LAPTM4B: variants seen among roughly 807,000 people sequenced by gnomAD.
The protein encoded by LAPTM4B is lysosomal protein transmembrane 4 beta.
A neutral mutation model predicts 28.5 loss-of-function variants in LAPTM4B; 26 were observed. The ratio of observed to expected loss-of-function variants is 0.91; its 90% CI spans 0.67 to 1.27. The LOEUF (loss-of-function observed/expected upper bound fraction) is 1.27. Among genes scored for constraint, LAPTM4B ranks in the 50% most tolerant of loss-of-function variants. The probability of loss-of-function intolerance (pLI) is 0.00; values close to 1 mark genes in which losing one functional copy is unlikely to be tolerated. For synonymous variants in LAPTM4B, 109 were observed against 106.4 expected, an observed-to-expected ratio of 1.02 and a Z score of -0.15; for missense variants, 288 against 285.8, an observed-to-expected ratio of 1.01 and a Z score of -0.06.
intron 4 of LAPTM4B, among the ~76,000 whole-genome samples, chr8:97,817,343 G>A (rs1251153774): frequency 2.7e-5 from 4 of 149,358 alleles, no homozygotes; most frequent in Non-Finnish European, 5.9e-5. Context: ...TCACCATGTT[G>A]CCCAGGCTTG....
At chr8:97,787,072 G>A (rs1393791716) in intron 1 of LAPTM4B, among the ~76,000 whole-genome samples, 1 of 151,988 alleles carries the variant, frequency 6.6e-6, no homozygotes, top group Non-Finnish European at 1.5e-5. Flanking sequence ...TAAGGAGGCT[G>A]CCTCCTTTAT....
chr8:97,830,015 G>A lies in LAPTM4B; in HGVS notation c.603+4862G>A, dbSNP rs142008946. Among the ~76,000 whole-genome samples, 158 of 152,262 alleles carry A rather than the reference G, an allele frequency of 1.0e-3. 1 individual carries two copies. The highest frequency in any genetic ancestry group is 3.5e-3 in the African/African-American group (146 of 41,568). ...CAGCCCCTGCTGAATTTTCCAGAAA[G>A]TGAAGAAGATGTTCGGGAGGGTAAA... On this transcript the variant is annotated intron_variant, in intron 6 of 6. Transcript: ENST00000521545.
At chr8:97,814,367 A>G (rs895328750) in intron 2 of LAPTM4B, among the ~76,000 whole-genome samples, 2 of 151,944 alleles carry the variant, frequency 1.3e-5, no homozygotes, top group Non-Finnish European at 2.9e-5. Context: ...AAAAATTGGC[A>G]TGGTGGAGCA....
At chr8:97,849,814 G>A (rs1586349450) in intron 6 of LAPTM4B, among the ~76,000 whole-genome samples, 1 of 103,074 alleles carries the variant, frequency 9.7e-6, no homozygotes, top group East Asian at 2.9e-4. Flanking sequence ...CCACCCCCCT[G>A]CCCGCCTGCC....
At chr8:97,829,416 C>T (rs1817144788) in intron 6 of LAPTM4B, among the ~76,000 whole-genome samples, 1 of 152,004 alleles carries the variant, frequency 6.6e-6, no homozygotes, top group South Asian at 2.1e-4. Flanking sequence ...CTGGAATGCT[C>T]CAATTTTCTG....
intron 6 of LAPTM4B, among the ~76,000 whole-genome samples, chr8:97,826,202 C>T (rs1817088433): frequency 6.6e-6 from 1 of 152,158 alleles, no homozygotes; most frequent in Non-Finnish European, 1.5e-5. Context: ...ATGTTATACA[C>T]TGACAGTTTT....
chr8:97,845,522 G>A, intron 6 of LAPTM4B, among the ~76,000 whole-genome samples: 1 of 152,048 alleles, frequency 6.6e-6, no homozygotes, highest in South Asian at 2.1e-4. Flanking sequence ...CAGACAAGGG[G>A]CCACACAGTT....
rs144651693 is a variant in LAPTM4B at position 97,812,206 on chromosome 8, G to GTTT, written c.212-3114_212-3112dup. ...TAAAGGATAAGTAAATTAATTATTT[G>GTTT]TTTTTTTTTTGTTGTTTTTTGTTTT... On this transcript the variant is annotated intron_variant, in intron 2 of 6. Coordinates refer to ENST00000521545, the MANE Select transcript of LAPTM4B (RefSeq NM_018407.6). Among the ~76,000 whole-genome samples the GTTT allele has an allele frequency of 3.2e-3, 251 of 78,340 alleles. 7 individuals are homozygous for GTTT. Among genetic ancestry groups the GTTT allele is most frequent in the Middle Eastern group, 8.8e-3 (1 of 114 alleles). The allele number at this position is 78,340 out of a possible 152,430, so 51.4% of individuals were successfully genotyped here. A position where few individuals can be genotyped will look rare whatever the true frequency, so the allele number is the denominator to read the frequency against.
Position 97,852,703 on chromosome 8 carries a change from G to T in LAPTM4B, c.*1229G>T, listed in dbSNP as rs867572711. The T allele has an allele frequency of 0.037, 4,161 of 112,700 alleles. 205 individuals carry two copies. Among genetic ancestry groups the T allele is most frequent in the African/African-American group, 0.24 (3,916 of 16,214 alleles). The allele number at this position is 112,700 out of a possible 1,614,324, so 7.0% of individuals were successfully genotyped here. ...AGCCTAAGGAGTAGGCTTTTTTTTG[G>T]GGGGGGGAGGTCGGGTGGGGGGGAT... On this transcript the variant is annotated 3_prime_UTR_variant, in exon 7 of 7. Transcript: ENST00000521545.
At chr8:97,779,446 C>T (rs1277202968) in intron 1 of LAPTM4B, among the ~76,000 whole-genome samples, 1 of 151,862 alleles carries the variant, frequency 6.6e-6, no homozygotes, top group Non-Finnish European at 1.5e-5. Context: ...GATTGTGCCA[C>T]TGCACTCTAG....
intron 1 of LAPTM4B, among the ~76,000 whole-genome samples, chr8:97,800,877 CG>C (rs1816665902): frequency 6.6e-6 from 1 of 151,852 alleles, no homozygotes; most frequent in East Asian, 1.9e-4. Context: ...TTCGGGAGGC[CG>C]GGGCAGGAGG....
intron 6 of LAPTM4B, among the ~76,000 whole-genome samples, chr8:97,839,626 T>C (rs1286234267): frequency 1.3e-5 from 2 of 152,244 alleles, no homozygotes; most frequent in Admixed American, 1.3e-4. Flanking sequence ...AGGCTTTGCA[T>C]CTGGGGGATC....
intron 1 of LAPTM4B, among the ~76,000 whole-genome samples, chr8:97,778,362 T>C (rs1816258973): frequency 6.6e-6 from 1 of 152,050 alleles, no homozygotes; most frequent in Non-Finnish European, 1.5e-5. Context: ...GAATATAATT[T>C]TGTGATACCC....
rs1816779570 is a variant in LAPTM4B, at chr8:97,807,995, G to GT, written c.211+2537dup. Among the ~76,000 whole-genome samples, 4 of 151,594 alleles carry GT rather than the reference G, an allele frequency of 2.6e-5. 1 individual carries two copies. In the Middle Eastern group the frequency reaches 0.014, roughly 519 times the overall value. On this transcript the variant is annotated intron_variant, in intron 2 of 6. Transcript: ENST00000521545. ...GTGCCATCACATGGCTAATTTTTGT[G>GT]TTTTTTGTAGAGATGGGGTTTCGCC...
chr8:97,786,059 C>CG (rs1401058598), intron 1 of LAPTM4B, among the ~76,000 whole-genome samples: 2 of 152,186 alleles, frequency 1.3e-5, no homozygotes, highest in African/African-American at 2.4e-5. Context: ...TCTGCCCCAC[C>CG]ACCTTTTGGG....
chr8:97,849,106 C>A (rs1817477600), intron 6 of LAPTM4B, among the ~76,000 whole-genome samples: 1 of 152,186 alleles, frequency 6.6e-6, no homozygotes, highest in Non-Finnish European at 1.5e-5. Context: ...GTAGCAAACA[C>A]CTTGCAGTTC....
rs1201192871 is a variant in LAPTM4B at position 97,852,945 on chromosome 8, A to G, written c.*1471A>G. On this transcript the variant is annotated 3_prime_UTR_variant, in exon 7 of 7. Coordinates refer to ENST00000521545, the MANE Select transcript of LAPTM4B (RefSeq NM_018407.6). ...AATAAATTACCATTGGTGTGGGGGA[A>G]AAAAGCCAAACAGAAGTAGAAAAAG... 8.1e-6 allele frequency: 4 copies of G among 495,550 alleles called. No individual in the cohort carries two copies. The highest frequency in any genetic ancestry group is 5.4e-5 in the South Asian group (2 of 37,164). The allele number at this position is 495,550 out of a possible 1,614,324, so 30.7% of individuals were successfully genotyped here. A position where few individuals can be genotyped will look rare whatever the true frequency, so the allele number is the denominator to read the frequency against.
At chr8:97,788,288 A>G in intron 1 of LAPTM4B, 1 of 382,668 alleles carries the variant, frequency 2.6e-6, no homozygotes, top group Non-Finnish European at 5.2e-6. Context: ...ATCTGAATCC[A>G]CTGGGGAATG....
chr8:97,809,628 T>C (rs1275120432), intron 2 of LAPTM4B, among the ~76,000 whole-genome samples: 2 of 152,102 alleles, frequency 1.3e-5, no homozygotes, highest in East Asian at 3.9e-4. Context: ...TGAGCCTGGG[T>C]GGCAGAGGTT....
Sources: gnomAD v4.1 joint callset for allele counts (sites outside exome capture counted in the v4.1 genomes callset) on GRCh38, gnomAD v4.1.1 for gene constraint, MANE v1.5 for transcripts, NCBI Gene and HGNC (gene_info 2026-07-23, HGNC 2026-07-21) for gene names.